Variants in KSR2 observed in about 807,000 individuals in gnomAD.
KSR2 encodes the protein kinase suppressor of ras 2.
Under a neutral mutation model 107.8 loss-of-function variants are expected in KSR2, and 25 were observed. The observed-to-expected ratio is 0.23, with a 90% CI of 0.17 to 0.32. The LOEUF is 0.32. KSR2 is among the 10% of genes least tolerant of loss of function. KSR2 has a pLI of 1.00. For missense variants in KSR2, 887 were observed against 1,268.9 expected (o/e 0.70, Z 4.57); for synonymous variants, 480 against 507.0 (o/e 0.95, Z 0.71).
rs998501430 is a variant in KSR2, at chr12:117,907,290, G to A, written c.181-46859C>T. Among the ~76,000 whole-genome samples the A allele has an allele frequency of 2.6e-5, 4 of 152,172 alleles. No homozygotes were observed. The highest frequency in any genetic ancestry group is 5.9e-5 in the Non-Finnish European group (4 of 68,040). On this transcript the variant is annotated intron_variant, in intron 1 of 19. Transcript: ENST00000339824. This position sits in a 1 kb window ranked among gnomAD's most constrained non-coding sequence, Gnocchi z 4.3. ...AACTGCCTTCGTTCTGGATGGGGGC[G>A]TCCTGACATGCTGACGCCACAGAGA...
At chr12:117,805,047 C>T (rs1451480503) in intron 3 of KSR2, among the ~76,000 whole-genome samples, 1 of 152,150 alleles carries the variant, frequency 6.6e-6, no homozygotes, top group Non-Finnish European at 1.5e-5. Flanking sequence ...TGAGGGATTT[C>T]CAAGGATGTG....
At position 117,476,518 on chromosome 12, in the gene KSR2, T is replaced by C. The variant is rs760580646; in HGVS notation, c.2528A>G (p.Asp843Gly). The C allele has an allele frequency of 6.2e-7, 1 of 1,609,092 alleles. No homozygotes were observed. The highest frequency in any genetic ancestry group is 2.2e-5 in the East Asian group (1 of 44,714). Residue 843 changes from aspartate to glycine, a missense_variant, in exon 17 of 20, where the codon GAC (aspartate) becomes GGC (glycine). Transcript: ENST00000339824. Reference sequence around the variant, plus strand: ...GAAGGGGAGCTTATCCTCCTCTGTGTCGGGGGACAGCTGGCGGATGATCTC... The same window carrying C: ...GAAGGGGAGCTTATCCTCCTCTGTGCCGGGGGACAGCTGGCGGATGATCTC... ...APEIIRQLSP[D>G]TEEDKLPFSK...
chr12:117,667,389 G>T, intron 5 of KSR2, 85 bp downstream of exon 5: 1 of 1,288,386 alleles, frequency 7.8e-7, no homozygotes, highest in Non-Finnish European at 1.1e-6. Flanking sequence ...GAGAGAGTTT[G>T]CACCTGGCAC....
chr12:117,527,304 C>CACACACACACACACACACAG (rs1875250636), intron 12 of KSR2, among the ~76,000 whole-genome samples, 185 bp from the exon 13 acceptor site: 1 of 124,446 alleles, frequency 8.0e-6, no homozygotes, highest in Admixed American at 7.5e-5. Flanking sequence ...CACACACAGA[C>CACACACACACACACACACAG]ACACACACAC....
At chr12:117,500,100 C>T (rs545493372) in intron 14 of KSR2, among the ~76,000 whole-genome samples, 39 of 152,260 alleles carry the variant, frequency 2.6e-4, no homozygotes, top group Admixed American at 3.3e-4. Flanking sequence ...TATCTGAGCA[C>T]GGAACCTACC....
At chr12:117,775,705 G>C (rs551073392) in intron 3 of KSR2, among the ~76,000 whole-genome samples, 1 of 151,880 alleles carries the variant, frequency 6.6e-6, no homozygotes, top group African/African-American at 2.4e-5. Flanking sequence ...ACAGAGAGAG[G>C]AGTAGAAACT....
intron 14 of KSR2, among the ~76,000 whole-genome samples, chr12:117,512,301 C>T (rs1874073761): frequency 6.6e-6 from 1 of 152,218 alleles, no homozygotes; most frequent in Non-Finnish European, 1.5e-5. Context: ...GCTTCCATGA[C>T]AATACCCTCT....
Position 117,693,748 on chromosome 12 carries a change from C to T in KSR2, c.987-26090G>A, listed in dbSNP as rs997590478. Among the ~76,000 whole-genome samples, 21 of 152,070 alleles carry T rather than the reference C, an allele frequency of 1.4e-4. 1 individual carries two copies. The highest frequency in any genetic ancestry group is 7.2e-4 in the Admixed American group (11 of 15,270). On this transcript the variant is annotated intron_variant, in intron 4 of 19. Coordinates refer to ENST00000339824, the MANE Select transcript of KSR2 (RefSeq NM_173598.6). ...GCTTTATATGCACAATCTCATGGAGCGCTCCCAACCCCAGGAAGCGGGTCC... is the reference window on the plus strand; with the variant it reads ...GCTTTATATGCACAATCTCATGGAGTGCTCCCAACCCCAGGAAGCGGGTCC...
chr12:117,487,722 T>G (rs1872540745), intron 14 of KSR2, among the ~76,000 whole-genome samples: 1 of 152,176 alleles, frequency 6.6e-6, no homozygotes, highest in African/African-American at 2.4e-5. Flanking sequence ...TGGACTCTCC[T>G]GCTCAGGGTA....
chr12:117,891,566 C>T (rs2137358417), intron 1 of KSR2, among the ~76,000 whole-genome samples: 1 of 151,968 alleles, frequency 6.6e-6, no homozygotes, highest in East Asian at 1.9e-4. Context: ...AATGAGACTC[C>T]ATTTCTATAA....
At chr12:117,952,369 C>G (rs1162773952) in intron 1 of KSR2, among the ~76,000 whole-genome samples, 2 of 152,104 alleles carry the variant, frequency 1.3e-5, no homozygotes, top group Non-Finnish European at 2.9e-5. Flanking sequence ...AACTTTTGGG[C>G]CGGGAATGGT....
At chr12:117,954,662 C>T (rs1401536621) in intron 1 of KSR2, among the ~76,000 whole-genome samples, 1 of 152,234 alleles carries the variant, frequency 6.6e-6, no homozygotes, top group Non-Finnish European at 1.5e-5. Context: ...CAAGTACCCT[C>T]AGCTCCCTTC....
chr12:117,712,265 C>A (rs150890020), intron 4 of KSR2, among the ~76,000 whole-genome samples: 2 of 152,326 alleles, frequency 1.3e-5, no homozygotes, highest in East Asian at 3.9e-4. Context: ...AGGGGGTAGA[C>A]TTCTCTGAAG....
chr12:117,938,647 G>T (rs1566090509), intron 1 of KSR2, among the ~76,000 whole-genome samples: 1 of 151,928 alleles, frequency 6.6e-6, no homozygotes, highest in Non-Finnish European at 1.5e-5. Context: ...CTACTCAGGA[G>T]GCTGAGGCAG....
chr12:117,642,480 C>G (rs555269122), intron 5 of KSR2, among the ~76,000 whole-genome samples: 2 of 152,326 alleles, frequency 1.3e-5, no homozygotes, highest in South Asian at 4.1e-4. Flanking sequence ...GAAAAGAGCT[C>G]TGGACCTCAA....
intron 17 of KSR2, among the ~76,000 whole-genome samples, chr12:117,474,119 C>G (rs1207154954): frequency 6.6e-6 from 1 of 152,088 alleles, no homozygotes; most frequent in East Asian, 1.9e-4. Context: ...GAAATAAAAG[C>G]CTCATTAAAA....
intron 4 of KSR2, among the ~76,000 whole-genome samples, chr12:117,694,243 A>AG (rs1192550135): frequency 6.6e-6 from 1 of 152,212 alleles, no homozygotes; most frequent in Non-Finnish European, 1.5e-5. Flanking sequence ...GGTCAAGGGC[A>AG]GGGCCAGGTG....
intron 4 of KSR2, among the ~76,000 whole-genome samples, chr12:117,696,513 GT>G (rs889442126): frequency 2.0e-5 from 3 of 151,580 alleles, no homozygotes; most frequent in Non-Finnish European, 4.4e-5. Flanking sequence ...CCTAGCACTG[GT>G]CGGGGGGAGT....
rs373320178 is a variant in KSR2 at position 117,667,613 on chromosome 12, G to A, written c.1032C>T (p.Ser344=). The A allele has an allele frequency of 5.3e-5, 85 of 1,611,194 alleles. No homozygotes were observed. The highest frequency in any genetic ancestry group is 6.8e-5 in the Non-Finnish European group (80 of 1,178,828). ...SKPLNLKIHS[S]VGSCENIPSQ... is the part of the protein sequence containing the mutation. Reference sequence around the variant, plus strand: ...AGGGGATGTTCTCGCAGCTGCCTACGCTGCTGTGGATCTTGAGGTTCAAGG... The same window carrying A: ...AGGGGATGTTCTCGCAGCTGCCTACACTGCTGTGGATCTTGAGGTTCAAGG... Residue 344 remains serine, a synonymous_variant, in exon 5 of 20, where the codon AGC becomes AGT. Transcript: ENST00000339824.
Sources: allele counts gnomAD v4.1 joint callset (sites outside exome capture counted in the v4.1 genomes callset), GRCh38; gene constraint gnomAD v4.1.1; non-coding constraint Gnocchi (gnomAD v3.1); transcripts MANE v1.5; gene names NCBI Gene and HGNC (gene_info 2026-07-23, HGNC 2026-07-21).